The following ZNF875 variants were observed in gnomAD, a reference collection of about 807,000 sequenced individuals.
The protein encoded by ZNF875 is zinc finger protein 875, also known as HKR1, GLI-Kruppel zinc finger family member.
Under a neutral mutation model 11.2 loss-of-function variants are expected in ZNF875, and 14 were observed. The observed-to-expected ratio is 1.26, with a 90% confidence interval of 0.83 to 1.96. The LOEUF is 1.96. ZNF875 is among the 30% of genes most tolerant of loss of function. The pLI, the probability that ZNF875 is intolerant of heterozygous loss-of-function variation, is 0.00. For missense variants in ZNF875, 752 were observed against 760.4 expected, an observed-to-expected ratio of 0.99 and a Z score of 0.13; for synonymous variants, 301 against 281.1, an observed-to-expected ratio of 1.07 and a Z score of -0.71.
At chr19:37,315,209 G>A (rs937508432), upstream of ZNF875, 19 of 152,138 alleles carry the variant, frequency 1.2e-4, no homozygotes, top group African/African-American at 4.6e-4. Flanking sequence ...CATGTGCAGA[G>A]GGGGCACTTT....
intron 2 of ZNF875, chr19:37,337,172 T>G (rs2034646559): frequency 6.6e-6 from 1 of 152,142 alleles, no homozygotes; most frequent in South Asian, 2.1e-4. Flanking sequence ...GAGTATCAGC[T>G]GCACTTTCTG....
upstream of ZNF875, chr19:37,313,098 G>A (rs1006784369): frequency 6.6e-6 from 1 of 152,198 alleles, no homozygotes; most frequent in African/African-American, 2.4e-5. Flanking sequence ...TAGATGGCTT[G>A]GCCCAAAGGA....
chr19:37,361,734 C>T (rs1022561384), intron 4 of ZNF875, among the ~76,000 whole-genome samples: 4 of 151,764 alleles, frequency 2.6e-5, no homozygotes, highest in Admixed American at 2.0e-4. Flanking sequence ...CTGGCAAACA[C>T]GGTAAAACTC....
At chr19:37,332,810 C>T (rs184819012), upstream of ZNF875, among the ~76,000 whole-genome samples, 309 of 152,216 alleles carry the variant, frequency 2.0e-3, 1 homozygote, top group African/African-American at 7.1e-3. Flanking sequence ...TTCCCCACTG[C>T]GTTTATAATT....
chr19:37,362,470 A>T lies in ZNF875; in HGVS notation c.618A>T (p.Ala206=). The part of the protein sequence containing the change: ...VDIGSSPERR[A]DLEETDKVLH... ...TAGGGTCCAGCCCTGAACGGAGGGC[A>T]GATCTAGAGGAAACAGACAAAGTAT... is the stretch of plus-strand genomic sequence containing the variant. The change falls in exon 5 of 5, where the codon GCA becomes GCT. Residue 206 remains alanine, a synonymous_variant. Coordinates refer to ENST00000392153, the MANE Select transcript of ZNF875 (RefSeq NM_001353803.2). 1 of 1,614,218 alleles carries T rather than the reference A, an allele frequency of 6.2e-7. No homozygotes were observed. The highest frequency in any genetic ancestry group is 8.5e-7 in the Non-Finnish European group (1 of 1,180,040).
At chr19:37,352,298 G>T (rs977889323) in intron 4 of ZNF875, among the ~76,000 whole-genome samples, 1 of 151,936 alleles carries the variant, frequency 6.6e-6, no homozygotes, top group African/African-American at 2.4e-5. Context: ...GCGTGGCTTG[G>T]AGATGCCACG....
chr19:37,323,661 C>T (rs1199752659), intron 3 of ZNF875: 2 of 152,130 alleles, frequency 1.3e-5, no homozygotes, highest in East Asian at 3.8e-4. Flanking sequence ...GTCAGGTGGA[C>T]AGTAGGGAAG....
chr19:37,344,595 A>G (rs542642959), intron 2 of ZNF875: 634 of 1,075,342 alleles, frequency 5.9e-4, no homozygotes, highest in Non-Finnish European at 8.0e-4. Flanking sequence ...CATTTTTCAT[A>G]TATTTATTTT....
Position 37,347,897 on chromosome 19 carries a change from G to A in ZNF875, c.256+25G>A, listed in dbSNP as rs745439766. ...GGTGAGTGTTGAGTGTGGGGTAGAC[G>A]GGATAATCCACAGCTTGGCAGATAG... On this transcript the variant is annotated intron_variant, in intron 4 of 4. Transcript: ENST00000392153. The A allele has an allele frequency of 2.2e-5, 29 of 1,341,986 alleles. 1 individual carries two copies. The highest frequency in any genetic ancestry group is 1.1e-4 in the East Asian group (5 of 43,572). The allele number at this position is 1,341,986 out of a possible 1,614,324, so 83.1% of individuals were successfully genotyped here.
At chr19:37,319,204 G>A (rs1366199944) in intron 1 of ZNF875, among the ~76,000 whole-genome samples, 1 of 151,366 alleles carries the variant, frequency 6.6e-6, no homozygotes, top group East Asian at 1.9e-4. Context: ...GCACCATCAT[G>A]CCTGGCTAAT....
chr19:37,328,854 A>G (rs891461800), intron 4 of ZNF875: 1 of 152,210 alleles, frequency 6.6e-6, no homozygotes, highest in African/African-American at 2.4e-5. Flanking sequence ...AGAAGCCCGT[A>G]CAGGGTTCAG....
chr19:37,324,494 G>A (rs2032071949), intron 4 of ZNF875, among the ~76,000 whole-genome samples: 1 of 152,148 alleles, frequency 6.6e-6, no homozygotes, highest in Non-Finnish European at 1.5e-5. Context: ...GATTCCCTGA[G>A]TAGTTTCCAG....
At chr19:37,343,130 A>G (rs1323675018) in intron 2 of ZNF875, among the ~76,000 whole-genome samples, 1 of 152,076 alleles carries the variant, frequency 6.6e-6, no homozygotes, top group Non-Finnish European at 1.5e-5. Flanking sequence ...TGAGGTCAGG[A>G]GTTCGAGACC....
intron 2 of ZNF875, among the ~76,000 whole-genome samples, chr19:37,337,968 G>A (rs1382176695): frequency 2.0e-5 from 3 of 152,108 alleles, no homozygotes; most frequent in Non-Finnish European, 4.4e-5. Context: ...CTCCAGTGGT[G>A]GGGATTATGC....
At chr19:37,330,300 C>T (rs1227085472), upstream of ZNF875, among the ~76,000 whole-genome samples, 2 of 152,124 alleles carry the variant, frequency 1.3e-5, no homozygotes, top group Admixed American at 1.3e-4. Context: ...CTCATCAGCT[C>T]CTGATGTCTT....
chr19:37,346,330 A>T (rs1294578607), intron 2 of ZNF875: 1 of 152,124 alleles, frequency 6.6e-6, no homozygotes, highest in Non-Finnish European at 1.5e-5. Flanking sequence ...TCAGTGCCTG[A>T]GGTTACACTA....
Position 37,363,695 on chromosome 19 carries a change from C to G in ZNF875, c.1843C>G (p.Pro615Ala). Residue 615 changes from proline to alanine, a missense_variant, in exon 5 of 5, where the codon CCT (proline) becomes GCT (alanine). Physicochemically the swap from Pro to Ala is conservative, Grantham distance 27 (BLOSUM62 -1). Coordinates refer to ENST00000392153, the MANE Select transcript of ZNF875 (RefSeq NM_001353803.2). ...CCAGAGGACACATTCAGGAGAGAAG[C>G]CTTATATTTGCAGAAAGTGTGGACG... ...RHQRTHSGEK[P>A]YICRKCGRGF... The G allele has an allele frequency of 1.2e-6, 2 of 1,613,422 alleles. No individual in the cohort carries two copies. The highest frequency in any genetic ancestry group is 1.7e-5 in the Admixed American group (1 of 59,970).
chr19:37,350,194 C>G (rs1222187403), intron 4 of ZNF875, among the ~76,000 whole-genome samples: 1 of 148,400 alleles, frequency 6.7e-6, no homozygotes, highest in East Asian at 2.0e-4. Context: ...TCACTGCAAC[C>G]TCCGCCTATC....
intron 2 of ZNF875, among the ~76,000 whole-genome samples, chr19:37,338,801 T>C (rs1266842826): frequency 6.6e-6 from 1 of 152,214 alleles, no homozygotes; most frequent in Non-Finnish European, 1.5e-5. Context: ...ATTTTGGGCA[T>C]GTGGTTAATC....
Sources: allele counts gnomAD v4.1 joint callset (sites outside exome capture counted in the v4.1 genomes callset), GRCh38; gene constraint gnomAD v4.1.1; transcripts MANE v1.5; gene names NCBI Gene and HGNC (gene_info 2026-07-23, HGNC 2026-07-21).